FGF12: variants seen among roughly 807,000 people sequenced by gnomAD.
FGF12 encodes the protein fibroblast growth factor 12B.
Under a neutral mutation model 23.6 loss-of-function variants are expected in FGF12, and 14 were observed. The ratio of observed to expected loss-of-function variants is 0.59; its 90% CI spans 0.39 to 0.93. FGF12 has a LOEUF of 0.93. Among genes scored for constraint, FGF12 ranks in the 40% least tolerant of loss-of-function variants. FGF12 has a pLI of 0.00. For synonymous variants in FGF12, 62 were observed against 77.3 expected, an observed-to-expected ratio of 0.80 and a Z score of 1.04; for missense variants, 175 against 217.8, an observed-to-expected ratio of 0.80 and a Z score of 1.24.
chr3:192,216,148 A>G (rs1718182057), intron 4 of FGF12, among the ~76,000 whole-genome samples: 1 of 151,356 alleles, frequency 6.6e-6, no homozygotes, highest in Admixed American at 6.5e-5. Flanking sequence ...AATGTAGTGT[A>G]TTGTTATATT....
intron 2 of FGF12, among the ~76,000 whole-genome samples, chr3:192,552,088 A>G (rs749735029): frequency 2.0e-5 from 3 of 152,144 alleles, no homozygotes; most frequent in Non-Finnish European, 4.4e-5. Context: ...GAAAACTATA[A>G]CATAGGACTA....
At chr3:192,625,708 A>G (rs779781880) in intron 2 of FGF12, among the ~76,000 whole-genome samples, 8 of 152,170 alleles carry the variant, frequency 5.3e-5, no homozygotes, top group Non-Finnish European at 1.2e-4. Flanking sequence ...CTTTGTTACT[A>G]GGTGTCTAGA....
intron 2 of FGF12, among the ~76,000 whole-genome samples, chr3:192,537,963 T>TTTTTTTTTTTTTTTTTTTTA (rs1725269523): frequency 6.7e-6 from 1 of 150,180 alleles, no homozygotes. Flanking sequence ...TTTTTTTTTT[T>TTTTTTTTTTTTTTTTTTTTA]GAGATGGAGT....
At chr3:192,198,941 T>A (rs1311205632) in intron 4 of FGF12, among the ~76,000 whole-genome samples, 1 of 152,234 alleles carries the variant, frequency 6.6e-6, no homozygotes, top group African/African-American at 2.4e-5. Flanking sequence ...CAAACTTATA[T>A]AATCTTTTCA....
chr3:192,470,508 C>T (rs1338557791), intron 2 of FGF12, among the ~76,000 whole-genome samples: 9 of 152,064 alleles, frequency 5.9e-5, no homozygotes, highest in African/African-American at 1.9e-4. Flanking sequence ...CCTGCCTCGG[C>T]CCCCCGAATA....
intron 2 of FGF12, among the ~76,000 whole-genome samples, chr3:192,702,145 T>C (rs1460910269): frequency 6.6e-6 from 1 of 152,242 alleles, no homozygotes; most frequent in Non-Finnish European, 1.5e-5. Context: ...CTGGCTTATT[T>C]CCCTTAATGG....
At chr3:192,537,191 T>C (rs889804196) in intron 2 of FGF12, among the ~76,000 whole-genome samples, 4 of 152,224 alleles carry the variant, frequency 2.6e-5, no homozygotes, top group African/African-American at 9.6e-5. Context: ...ATTCTCTTCA[T>C]CCATTTGTCT....
chr3:192,535,547 T>C (rs1725204574), intron 2 of FGF12, among the ~76,000 whole-genome samples: 1 of 152,044 alleles, frequency 6.6e-6, no homozygotes, highest in East Asian at 1.9e-4. Flanking sequence ...CCAAAAACCA[T>C]GGTAGGAGGC....
At chr3:192,228,316 CCCATCACAGTGGTAAAAAT>C (rs1718844050) in intron 4 of FGF12, among the ~76,000 whole-genome samples, 1 of 152,038 alleles carries the variant, frequency 6.6e-6, no homozygotes, top group Admixed American at 6.6e-5. Context: ...GCATGCATTA[CCCATCACAGTGGTAAAAAT>C]CCAGCTTCCC....
chr3:192,172,544 G>T lies in FGF12; in HGVS notation c.229-1888C>A, dbSNP rs145634554. On this transcript the variant is annotated intron_variant, in intron 4 of 5. Transcript: ENST00000445105. The stretch of plus-strand genomic sequence containing the variant: ...TTTCTTAGAGTACTTTGAGTTTTAA[G>T]TAAATGAACTACTAGCTTAAGAATC... Among the ~76,000 whole-genome samples, 147 of 151,004 alleles carry T rather than the reference G, an allele frequency of 9.7e-4. 3 individuals are homozygous for T. The highest frequency in any genetic ancestry group is 3.5e-3 in the African/African-American group (144 of 41,374).
At chr3:192,385,905 A>G (rs1720021387) in intron 2 of FGF12, among the ~76,000 whole-genome samples, 1 of 152,192 alleles carries the variant, frequency 6.6e-6, no homozygotes, top group African/African-American at 2.4e-5. Flanking sequence ...CCTTGCCACC[A>G]CAGACGTGGA....
At chr3:192,259,885 C>A (rs1330459830) in intron 4 of FGF12, among the ~76,000 whole-genome samples, 1 of 151,766 alleles carries the variant, frequency 6.6e-6, no homozygotes, top group Non-Finnish European at 1.5e-5. Flanking sequence ...AGGATTAATG[C>A]CAGAATTCTT....
At chr3:192,167,048 A>C (rs1195197325) in intron 5 of FGF12, among the ~76,000 whole-genome samples, 1 of 152,042 alleles carries the variant, frequency 6.6e-6, no homozygotes, top group East Asian at 1.9e-4. Context: ...AAAATTAGGA[A>C]ATCAGAGATA....
At chr3:192,516,826 G>A (rs1353630668) in intron 2 of FGF12, 1 of 152,244 alleles carries the variant, frequency 6.6e-6, no homozygotes, top group Non-Finnish European at 1.5e-5. Flanking sequence ...CATCACCGAA[G>A]AAGTTATGCA....
intron 4 of FGF12, among the ~76,000 whole-genome samples, chr3:192,172,253 G>A (rs1715609445): frequency 7.1e-6 from 1 of 140,630 alleles, no homozygotes; most frequent in Admixed American, 7.3e-5. Flanking sequence ...GCTGGGTGTG[G>A]TGGCAGATGC....
At chr3:192,318,455 A>G (rs1047205031) in intron 4 of FGF12, among the ~76,000 whole-genome samples, 1 of 152,204 alleles carries the variant, frequency 6.6e-6, no homozygotes. Flanking sequence ...ATGCATTAAC[A>G]TCTCTTAACA....
chr3:192,581,956 A>G (rs1577065040), intron 2 of FGF12, among the ~76,000 whole-genome samples: 1 of 152,148 alleles, frequency 6.6e-6, no homozygotes, highest in East Asian at 1.9e-4. Flanking sequence ...GATAGACTCA[A>G]TGTTTTACTC....
At chr3:192,687,001 T>C (rs1717768365) in intron 2 of FGF12, among the ~76,000 whole-genome samples, 1 of 151,172 alleles carries the variant, frequency 6.6e-6, no homozygotes, top group Non-Finnish European at 1.5e-5. Context: ...GATAATTTTT[T>C]TGTATTTTTA....
At chr3:192,639,432 C>G (rs1259583081) in intron 2 of FGF12, among the ~76,000 whole-genome samples, 1 of 152,206 alleles carries the variant, frequency 6.6e-6, no homozygotes, top group Non-Finnish European at 1.5e-5. Context: ...ACCACAAGAC[C>G]CAGCAATCCC....
Sources: gnomAD v4.1 joint callset for allele counts (sites outside exome capture counted in the v4.1 genomes callset) on GRCh38, gnomAD v4.1.1 for gene constraint, MANE v1.5 for transcripts, NCBI Gene and HGNC (gene_info 2026-07-23, HGNC 2026-07-21) for gene names.